TSPAN12: variants seen among roughly 807,000 people sequenced by gnomAD.
TSPAN12 encodes tetraspanin 12.
TSPAN12 carries 19 observed loss-of-function variants against 39.2 expected under a neutral mutation model. The ratio of observed to expected loss-of-function variants is 0.49; its 90% CI spans 0.34 to 0.71. The LOEUF is 0.71. TSPAN12 is among the 30% of genes least tolerant of loss of function. The pLI is 0.01. For missense variants in TSPAN12, 314 were observed against 359.9 expected (o/e 0.87, Z 1.03); for synonymous variants, 119 against 124.8 (o/e 0.95, Z 0.31).
chr7:120,798,538 C>T (rs1474063825), intron 7 of TSPAN12, among the ~76,000 whole-genome samples: 1 of 152,170 alleles, frequency 6.6e-6, no homozygotes, highest in East Asian at 1.9e-4. Flanking sequence ...AACAAAGTTT[C>T]ATTATTAAAA....
intron 4 of TSPAN12, among the ~76,000 whole-genome samples, chr7:120,817,926 T>C (rs1452436644): frequency 1.3e-5 from 2 of 152,136 alleles, no homozygotes; most frequent in African/African-American, 4.8e-5. Context: ...TCAACGAGTA[T>C]TTGTTAAGTA....
In TSPAN12 at chr7:120,827,005, G is replaced by A. The variant is rs189214090; in HGVS notation, c.286-11202C>T. On this transcript the variant is annotated intron_variant, in intron 4 of 7. Coordinates refer to ENST00000222747, the MANE Select transcript of TSPAN12 (RefSeq NM_012338.4). ...CCCAAAATGCTGAGATTATAGGCGTGAGCCATTACACCCCACCAATAGTCA... is the reference window on the plus strand; with the variant it reads ...CCCAAAATGCTGAGATTATAGGCGTAAGCCATTACACCCCACCAATAGTCA... Among the ~76,000 whole-genome samples, 217 of 152,256 alleles carry A rather than the reference G, an allele frequency of 1.4e-3. 1 individual carries two copies. The highest frequency in any genetic ancestry group is 1.9e-3 in the Non-Finnish European group (127 of 68,016).
At chr7:120,801,378 T>C (rs964069047) in intron 7 of TSPAN12, among the ~76,000 whole-genome samples, 1 of 152,136 alleles carries the variant, frequency 6.6e-6, no homozygotes, top group African/African-American at 2.4e-5. Flanking sequence ...GAGGCATAAA[T>C]GGGTTTGTCA....
At position 120,832,562 on chromosome 7, in the gene TSPAN12, C is replaced by T. The variant is rs548273477; in HGVS notation, c.285+6215G>A. ...ACATCCAGTTCAAATAAAGACTCCC[C>T]TGTGAAACATTCTGGAAATCTCCAT... On this transcript the variant is annotated intron_variant, in intron 4 of 7. Coordinates refer to ENST00000222747, the MANE Select transcript of TSPAN12 (RefSeq NM_012338.4). Among the ~76,000 whole-genome samples, 8 of 152,238 alleles carry T rather than the reference C, an allele frequency of 5.3e-5. No individual in the cohort carries two copies. The East Asian group carries it at 1.5e-3, about 29-fold the overall frequency.
At chr7:120,853,125 C>T (rs1479168786) in intron 2 of TSPAN12, among the ~76,000 whole-genome samples, 3 of 149,324 alleles carry the variant, frequency 2.0e-5, no homozygotes, top group African/African-American at 5.0e-5. Context: ...GACAGAGTCT[C>T]ACTCTGTCAC....
At chr7:120,825,147 A>C (rs1794260673) in intron 4 of TSPAN12, among the ~76,000 whole-genome samples, 2 of 152,200 alleles carry the variant, frequency 1.3e-5, no homozygotes, top group South Asian at 4.1e-4. Flanking sequence ...GAACACTTTT[A>C]CATAAGGTTT....
chr7:120,788,592 T>C lies in TSPAN12; in HGVS notation c.918A>G (p.Ter306=), dbSNP rs776114618. The change falls in exon 8 of 8, where the codon TAA becomes TAG. Residue 306 remains the stop codon, a stop_retained_variant. Coordinates refer to ENST00000222747, the MANE Select transcript of TSPAN12 (RefSeq NM_012338.4). The part of the protein sequence containing the change: ...FNTHFEMEEL[*] ...TGGTTTTCTTCTGTGACATTTCTTT[T>C]TATAACTCCTCCATCTCAAAGTGTG... is the stretch of plus-strand genomic sequence containing the variant. 6.2e-7 allele frequency: 1 copy of C among 1,614,154 alleles called. No homozygotes were observed. The highest frequency in any genetic ancestry group is 8.5e-7 in the Non-Finnish European group (1 of 1,179,970).
chr7:120,857,909 G>A lies in TSPAN12; in HGVS notation c.-160C>T, dbSNP rs1794906873. On this transcript the variant is annotated 5_prime_UTR_variant, in exon 1 of 8. Transcript: ENST00000222747. ...CATCGGGGCAGGGAACTTCTTCGCGGAGAGCCGGAGGGCTGCATTGGCTTC... is the reference window on the plus strand; with the variant it reads ...CATCGGGGCAGGGAACTTCTTCGCGAAGAGCCGGAGGGCTGCATTGGCTTC... 1 of 152,388 alleles carries A rather than the reference G, an allele frequency of 6.6e-6. No homozygotes were observed. Among genetic ancestry groups the A allele is most frequent in the African/African-American group, 2.4e-5 (1 of 41,386 alleles). The allele number at this position is 152,388 out of a possible 1,614,324, so 9.4% of individuals were successfully genotyped here.
rs78990627 is a variant in TSPAN12 at position 120,810,715 on chromosome 7, G to A, written c.361-145C>T. On this transcript the variant is annotated intron_variant, in intron 5 of 7. Transcript: ENST00000222747. Reference sequence around the variant, plus strand: ...CAAATACTATTTTAAATTTATATTTGCTCATGGCCTAAATTTAGCTCAGAG... The same window carrying A: ...CAAATACTATTTTAAATTTATATTTACTCATGGCCTAAATTTAGCTCAGAG... The A allele has an allele frequency of 0.042, 27,258 of 653,082 alleles. 746 individuals are homozygous for A. The highest frequency in any genetic ancestry group is 0.048 in the Non-Finnish European group (16,978 of 357,226). 40.5% of individuals were successfully genotyped at this position (653,082 alleles called of 1,614,324 possible). A position where few individuals can be genotyped will look rare whatever the true frequency, so the allele number is the denominator to read the frequency against.
intron 6 of TSPAN12, among the ~76,000 whole-genome samples, chr7:120,808,879 T>TA (rs1220257143): frequency 6.6e-6 from 1 of 151,830 alleles, no homozygotes; most frequent in Non-Finnish European, 1.5e-5. Context: ...TATTTGGAGA[T>TA]AGAGTTTATA....
At position 120,856,807 on chromosome 7, in the gene TSPAN12, T is replaced by A. The variant is rs1185396347; in HGVS notation, c.-44A>T. 2 of 1,608,550 alleles carry A rather than the reference T, an allele frequency of 1.2e-6. No individual in the cohort carries two copies. The highest frequency in any genetic ancestry group is 2.2e-5 in the South Asian group (2 of 90,954). ...GAAGCCCCATCCTTTCACCACATCC[T>A]ACTCCCAAGGGCAAAACGGCAGCGA... On this transcript the variant is annotated 5_prime_UTR_variant, in exon 2 of 8. Transcript: ENST00000222747.
rs1794551428 is a variant in TSPAN12 at position 120,840,188 on chromosome 7, G to A, written c.67-79C>T. 2.7e-6 allele frequency: 3 copies of A among 1,104,762 alleles called. No homozygotes were observed. In the Admixed American group the frequency reaches 5.1e-5, roughly 19 times the overall value. The allele number at this position is 1,104,762 out of a possible 1,614,324, so 68.4% of individuals were successfully genotyped here. ...CAGGATTAATAATAGGAAAATTAAG[G>A]ATTTTGTTACATAATATCTTTCCCA... On this transcript the variant is annotated intron_variant, in intron 2 of 7. Transcript: ENST00000222747.
intron 4 of TSPAN12, among the ~76,000 whole-genome samples, chr7:120,837,209 C>A (rs528647719): frequency 1.3e-5 from 2 of 152,184 alleles, no homozygotes; most frequent in East Asian, 3.9e-4. Context: ...AAATAAGATC[C>A]CAAATTTCCA....
chr7:120,823,824 T>C (rs1013417645), intron 4 of TSPAN12, among the ~76,000 whole-genome samples: 5 of 152,178 alleles, frequency 3.3e-5, no homozygotes, highest in Non-Finnish European at 7.3e-5. Flanking sequence ...TGGAACTAAA[T>C]TAGCTCTCTA....
chr7:120,820,896 A>C (rs1451538161), intron 4 of TSPAN12, among the ~76,000 whole-genome samples: 1 of 152,084 alleles, frequency 6.6e-6, no homozygotes, highest in East Asian at 1.9e-4. Context: ...TCTATTTTAA[A>C]TATTGCCTCT....
intron 7 of TSPAN12, among the ~76,000 whole-genome samples, chr7:120,805,123 T>C (rs1246331832): frequency 6.6e-6 from 1 of 152,084 alleles, no homozygotes. Flanking sequence ...AAAAAATACT[T>C]GGCACTCTCC....
intron 2 of TSPAN12, among the ~76,000 whole-genome samples, chr7:120,854,521 T>G (rs1207378900): frequency 6.6e-6 from 1 of 152,256 alleles, no homozygotes; most frequent in Non-Finnish European, 1.5e-5. Context: ...CTATGATTCC[T>G]ATTTTACAGG....
At chr7:120,848,297 A>G (rs62469951) in intron 2 of TSPAN12, among the ~76,000 whole-genome samples, 4,921 of 152,182 alleles carry the variant, frequency 0.032, 96 homozygotes, top group Non-Finnish European at 0.049. Flanking sequence ...CTGTCCCTCC[A>G]TCTCATCCCA....
chr7:120,815,227 T>C (rs1479425668), intron 5 of TSPAN12, among the ~76,000 whole-genome samples: 1 of 152,208 alleles, frequency 6.6e-6, no homozygotes, highest in African/African-American at 2.4e-5. Context: ...TTCAGAAGTA[T>C]TGGGATTATT....
Sources: gnomAD v4.1 joint callset for allele counts (sites outside exome capture counted in the v4.1 genomes callset) on GRCh38, gnomAD v4.1.1 for gene constraint, MANE v1.5 for transcripts, NCBI Gene and HGNC (gene_info 2026-07-23, HGNC 2026-07-21) for gene names.